Variants in ADARB2 observed in about 807,000 individuals in gnomAD.
ADARB2 encodes adenosine deaminase RNA specific B2 (inactive), also known as inactive double-stranded RNA-specific editase B2.
Under a neutral mutation model 62.2 loss-of-function variants are expected in ADARB2, and 25 were observed. The ratio of observed to expected loss-of-function variants is 0.40; its 90% CI spans 0.29 to 0.56. The LOEUF is 0.56. ADARB2 is among the 20% of genes least tolerant of loss of function. ADARB2 has a pLI of 0.43. For missense variants in ADARB2, 1,071 were observed against 1,077.4 expected (o/e 0.99, Z 0.08); for synonymous variants, 572 against 500.8 (o/e 1.14, Z -1.90).
chr10:1,612,681 A>T (rs1298419017), intron 1 of ADARB2, among the ~76,000 whole-genome samples: 1 of 152,248 alleles, frequency 6.6e-6, no homozygotes, highest in Non-Finnish European at 1.5e-5. Flanking sequence ...ACCAGAGGTC[A>T]GCAAACTATG....
rs369271519 is a variant in ADARB2, at chr10:1,536,338, G to C, written c.101-157178C>G. On this transcript the variant is annotated intron_variant, in intron 1 of 9. Transcript: ENST00000381312. ...GGCAATCCTAGTGGGCTGGATCTTGGTCTTTGGTTTCCAGCCTTGAGAACT... is the reference window on the plus strand; with the variant it reads ...GGCAATCCTAGTGGGCTGGATCTTGCTCTTTGGTTTCCAGCCTTGAGAACT... 3.3e-5 allele frequency among the ~76,000 whole-genome samples: 5 copies of C among 152,344 alleles called. No individual in the cohort carries two copies. In the South Asian group the frequency reaches 6.2e-4, roughly 19 times the overall value.
At chr10:1,199,710 C>T (rs1211063896) in intron 8 of ADARB2, 1 of 432,150 alleles carries the variant, frequency 2.3e-6, no homozygotes, top group Non-Finnish European at 4.0e-6. Flanking sequence ...TTTCAGAACT[C>T]CTTCAGACAC....
chr10:1,724,812 G>A (rs1835142932), intron 1 of ADARB2, among the ~76,000 whole-genome samples: 1 of 152,208 alleles, frequency 6.6e-6, no homozygotes, highest in African/African-American at 2.4e-5. Context: ...TTAATAAGCA[G>A]GGGTGTCGTA....
At chr10:1,258,566 A>G (rs987772115) in intron 4 of ADARB2, among the ~76,000 whole-genome samples, 1 of 152,234 alleles carries the variant, frequency 6.6e-6, no homozygotes, top group Non-Finnish European at 1.5e-5. Context: ...CCATTACATA[A>G]TGGTAAAGGG....
chr10:1,315,378 C>G, intron 3 of ADARB2, among the ~76,000 whole-genome samples: 1 of 152,234 alleles, frequency 6.6e-6, no homozygotes, highest in African/African-American at 2.4e-5. Context: ...TGAGTGAGCG[C>G]AAAGCGTCCT....
chr10:1,538,256 G>T (rs183492305), intron 1 of ADARB2, among the ~76,000 whole-genome samples: 13 of 152,312 alleles, frequency 8.5e-5, no homozygotes, highest in Non-Finnish European at 1.5e-4. Flanking sequence ...TGCAGGGGTC[G>T]CAGACCTCTG....
intron 1 of ADARB2, among the ~76,000 whole-genome samples, chr10:1,409,151 C>G (rs536367616): frequency 2.0e-5 from 3 of 152,102 alleles, no homozygotes; most frequent in Admixed American, 1.3e-4. Flanking sequence ...ACGGAGCCCC[C>G]GCATCCAGCC....
chr10:1,284,056 A>C (rs1831391628), intron 3 of ADARB2, among the ~76,000 whole-genome samples: 1 of 152,184 alleles, frequency 6.6e-6, no homozygotes, highest in Non-Finnish European at 1.5e-5. Context: ...ACTACAGGAG[A>C]GTGTAGGGTC....
intron 3 of ADARB2, among the ~76,000 whole-genome samples, chr10:1,295,737 A>G (rs1831517262): frequency 6.6e-6 from 1 of 152,326 alleles, no homozygotes; most frequent in South Asian, 2.1e-4. Flanking sequence ...TAAAATACAG[A>G]ATAATGATAA....
chr10:1,625,606 G>A (rs1197640828), intron 1 of ADARB2, among the ~76,000 whole-genome samples: 1 of 152,198 alleles, frequency 6.6e-6, no homozygotes, highest in Non-Finnish European at 1.5e-5. Context: ...CACTGGCTTT[G>A]TGAAGAGCAG....
At chr10:1,441,228 GA>G (rs1830901388) in intron 1 of ADARB2, among the ~76,000 whole-genome samples, 1 of 152,118 alleles carries the variant, frequency 6.6e-6, no homozygotes, top group South Asian at 2.1e-4. Flanking sequence ...GAAAAAAATA[GA>G]AAAAATATGT....
chr10:1,258,689 C>T (rs532803403), intron 4 of ADARB2, among the ~76,000 whole-genome samples: 12 of 152,158 alleles, frequency 7.9e-5, no homozygotes, highest in African/African-American at 2.9e-4. Flanking sequence ...AGACTCCCCA[C>T]AATAATAATG....
chr10:1,338,118 A>C (rs577347384), intron 3 of ADARB2, among the ~76,000 whole-genome samples: 2 of 152,378 alleles, frequency 1.3e-5, no homozygotes, highest in South Asian at 4.1e-4. Flanking sequence ...TGTGGAAGGA[A>C]CTTTGAGGAA....
chr10:1,333,899 C>T (rs778133915), intron 3 of ADARB2, among the ~76,000 whole-genome samples: 2 of 152,176 alleles, frequency 1.3e-5, no homozygotes, highest in Non-Finnish European at 2.9e-5. Flanking sequence ...GCTACCCAGA[C>T]TGATGAAATA....
chr10:1,357,018 C>T (rs1832202466), intron 3 of ADARB2, among the ~76,000 whole-genome samples: 1 of 152,176 alleles, frequency 6.6e-6, no homozygotes, highest in South Asian at 2.1e-4. Context: ...TTCTAGGGCC[C>T]CCACTCACAG....
At chr10:1,351,312 T>A (rs1029720693) in intron 3 of ADARB2, among the ~76,000 whole-genome samples, 1 of 152,124 alleles carries the variant, frequency 6.6e-6, no homozygotes, top group African/African-American at 2.4e-5. Context: ...GTCCCCTTCT[T>A]CATCAATACG....
At chr10:1,482,597 G>C (rs1442198251) in intron 1 of ADARB2, among the ~76,000 whole-genome samples, 1 of 152,214 alleles carries the variant, frequency 6.6e-6, no homozygotes. Flanking sequence ...GGATGGTGAG[G>C]TGTTGGCACA....
In ADARB2 at chr10:1,563,416, T is replaced by C. The variant is rs1258810512; in HGVS notation, c.100+173635A>G. Reference sequence around the variant, plus strand: ...CGTCCCCCTCATATGACCTCCTGCATCCATCTCCCACATCAGATGCTTGCT... The same window carrying C: ...CGTCCCCCTCATATGACCTCCTGCACCCATCTCCCACATCAGATGCTTGCT... On this transcript the variant is annotated intron_variant, in intron 1 of 9. Transcript: ENST00000381312. Among the ~76,000 whole-genome samples the C allele has an allele frequency of 2.0e-5, 3 of 152,160 alleles. No individual in the cohort carries two copies. The South Asian group carries it at 6.2e-4, about 32-fold the overall frequency.
intron 1 of ADARB2, among the ~76,000 whole-genome samples, chr10:1,656,286 T>C (rs1834171126): frequency 6.6e-6 from 1 of 152,230 alleles, no homozygotes; most frequent in Admixed American, 6.5e-5. Context: ...GGGCCTCAGA[T>C]GACGTCGAAC....
Sources: allele counts gnomAD v4.1 joint callset (sites outside exome capture counted in the v4.1 genomes callset), GRCh38; gene constraint gnomAD v4.1.1; transcripts MANE v1.5; gene names NCBI Gene and HGNC (gene_info 2026-07-23, HGNC 2026-07-21).